CFAP210: variants seen among roughly 807,000 people sequenced by gnomAD.
CFAP210 encodes the protein cilia and flagella associated protein 210, also known as cilia- and flagella- associated protein 210.
At chr2:169,646,634 A>G in the CFAP210 span, among the ~76,000 whole-genome samples, 2,476 of 152,348 alleles carry the variant, frequency 0.016, 15 homozygotes, top group Middle Eastern at 0.041. Flanking sequence ...AGCAGTGAAT[A>G]TCTGGACTAA....
At chr2:169,650,473 C>A in the CFAP210 span, 16 of 1,598,066 alleles carry the variant, frequency 1.0e-5, no homozygotes, top group South Asian at 1.7e-4. Flanking sequence ...TCTCTTTCAA[C>A]AGTTCACTCA....
the CFAP210 span, among the ~76,000 whole-genome samples, chr2:169,670,391 A>T: frequency 6.6e-6 from 1 of 152,292 alleles, no homozygotes; most frequent in South Asian, 2.1e-4. Context: ...TTGTTTAGAA[A>T]GCATGTGAAA....
the CFAP210 span, among the ~76,000 whole-genome samples, chr2:169,651,207 A>G: frequency 5.6e-5 from 8 of 142,182 alleles, no homozygotes; most frequent in South Asian, 1.9e-3. Context: ...AGCCTGGGCG[A>G]CAGAGCAAGA....
the CFAP210 span, among the ~76,000 whole-genome samples, chr2:169,671,627 C>T: frequency 2.0e-5 from 3 of 152,282 alleles, no homozygotes; most frequent in South Asian, 4.1e-4. Context: ...TGCCACCATG[C>T]TTGGCTAATT....
At chr2:169,648,454 ATG>A in the CFAP210 span, among the ~76,000 whole-genome samples, 2 of 140,144 alleles carry the variant, frequency 1.4e-5, no homozygotes, top group Non-Finnish European at 3.1e-5. Context: ...TTTTTATGTT[ATG>A]TATATTTTAC....
the CFAP210 span, among the ~76,000 whole-genome samples, chr2:169,691,847 T>TAA: frequency 6.6e-6 from 1 of 152,240 alleles, no homozygotes; most frequent in Non-Finnish European, 1.5e-5. Flanking sequence ...CTTTGTCACA[T>TAA]GTGGCCACTG....
the CFAP210 span, among the ~76,000 whole-genome samples, chr2:169,647,881 G>A: frequency 2.6e-5 from 4 of 152,050 alleles, no homozygotes; most frequent in Non-Finnish European, 5.9e-5. Context: ...TGGAGGCCGG[G>A]CACAGTGGCT....
At chr2:169,660,717 T>A in the CFAP210 span, among the ~76,000 whole-genome samples, 2 of 151,726 alleles carry the variant, frequency 1.3e-5, no homozygotes, top group East Asian at 3.9e-4. Flanking sequence ...TCCTCCAGCC[T>A]CAGCCTCCTG....
chr2:169,676,601 T>C, the CFAP210 span, among the ~76,000 whole-genome samples: 2,640 of 152,260 alleles, frequency 0.017, 29 homozygotes, highest in Non-Finnish European at 0.021. Context: ...TCTCTCCCTA[T>C]AGTTTTGCTT....
the CFAP210 span, among the ~76,000 whole-genome samples, chr2:169,653,015 AAAAAAAAAAAAAAAAT>A: frequency 1.7e-5 from 1 of 59,288 alleles, no homozygotes; most frequent in Non-Finnish European, 3.1e-5. Context: ...AAAAAAAAAA[AAAAAAAAAAAAAAAAT>A]ATATATATAT....
the CFAP210 span, among the ~76,000 whole-genome samples, chr2:169,681,542 G>A: frequency 6.6e-6 from 1 of 152,126 alleles, no homozygotes; most frequent in Non-Finnish European, 1.5e-5. Flanking sequence ...CATCCCAACA[G>A]CTTGTTATAA....
chr2:169,653,959 G>A, the CFAP210 span: 1 of 1,105,918 alleles, frequency 9.0e-7, no homozygotes, highest in Non-Finnish European at 1.2e-6. Flanking sequence ...TCAAGTCACT[G>A]AATGCTCTAG....
the CFAP210 span, among the ~76,000 whole-genome samples, chr2:169,672,476 C>T: frequency 6.6e-6 from 1 of 152,136 alleles, no homozygotes; most frequent in Non-Finnish European, 1.5e-5. Context: ...AGTCGGAGTC[C>T]AAAAGCCTCA....
chr2:169,662,279 C>A, the CFAP210 span: 3 of 1,591,520 alleles, frequency 1.9e-6, no homozygotes, highest in South Asian at 3.5e-5. Context: ...TTTCAACTTA[C>A]AAGAAACCGT....
At chr2:169,663,372 A>T in the CFAP210 span, among the ~76,000 whole-genome samples, 4,187 of 151,674 alleles carry the variant, frequency 0.028, 83 homozygotes, top group East Asian at 0.1. Flanking sequence ...CTTTAAAAAA[A>T]TTTTTTTCTA....
chr2:169,653,389 A>C, the CFAP210 span, among the ~76,000 whole-genome samples: 1 of 151,870 alleles, frequency 6.6e-6, no homozygotes, highest in Middle Eastern at 3.2e-3. Context: ...GAAGATGGAA[A>C]TTTGGGTAGG....
the CFAP210 span, among the ~76,000 whole-genome samples, chr2:169,660,251 G>A: frequency 2.0e-5 from 3 of 151,744 alleles, no homozygotes; most frequent in African/African-American, 4.8e-5. Context: ...TTAGCTGAGC[G>A]TGGTGGTGCG....
the CFAP210 span, among the ~76,000 whole-genome samples, chr2:169,659,761 A>T: frequency 6.6e-6 from 1 of 152,168 alleles, no homozygotes; most frequent in Non-Finnish European, 1.5e-5. Context: ...CAAAGTCTTA[A>T]CTCATTCCAG....
chr2:169,655,903 C>A, the CFAP210 span, among the ~76,000 whole-genome samples: 2 of 152,072 alleles, frequency 1.3e-5, no homozygotes, highest in African/African-American at 4.8e-5. Flanking sequence ...AAAAAGAAAA[C>A]GGCAGAAACA....
Sources: gnomAD v4.1 joint callset for allele counts (sites outside exome capture counted in the v4.1 genomes callset) on GRCh38, gnomAD v4.1.1 for gene constraint, MANE v1.5 for transcripts, NCBI Gene and HGNC (gene_info 2026-07-23, HGNC 2026-07-21) for gene names.